The following KCNQ5 variants were observed in gnomAD, a reference collection of about 807,000 sequenced individuals.
KCNQ5 encodes the protein potassium voltage-gated channel subfamily KQT member 5.
Under a neutral mutation model 98.2 loss-of-function variants are expected in KCNQ5, and 30 were observed. That is an observed-to-expected ratio of 0.31 (90% CI 0.23 to 0.41). KCNQ5 has a LOEUF of 0.41. KCNQ5 is among the 10% of genes least tolerant of loss of function. The pLI is 1.00. For synonymous variants in KCNQ5, 458 were observed against 449.4 expected (o/e 1.02, Z -0.24); for missense variants, 835 against 1,182.5 (o/e 0.71, Z 4.31).
At chr6:72,633,249 A>G (rs901646460) in intron 1 of KCNQ5, among the ~76,000 whole-genome samples, 2 of 151,992 alleles carry the variant, frequency 1.3e-5, no homozygotes, top group African/African-American at 4.8e-5. Context: ...GTGTCTGTTC[A>G]TGTTCTTTGC....
chr6:72,825,663 G>A (rs778738421), intron 1 of KCNQ5, among the ~76,000 whole-genome samples: 36 of 152,154 alleles, frequency 2.4e-4, no homozygotes, highest in Non-Finnish European at 4.4e-4. Flanking sequence ...GGAGGGCCTT[G>A]GAGAAGCTGA....
intron 11 of KCNQ5, among the ~76,000 whole-genome samples, chr6:73,174,048 T>C (rs1370766102): frequency 6.6e-6 from 1 of 151,996 alleles, no homozygotes; most frequent in Non-Finnish European, 1.5e-5. Context: ...GGTATTGTTT[T>C]CAATGAATTA....
chr6:72,738,373 G>A (rs1770960124), intron 1 of KCNQ5, among the ~76,000 whole-genome samples: 1 of 151,760 alleles, frequency 6.6e-6, no homozygotes, highest in Non-Finnish European at 1.5e-5. Flanking sequence ...AGATATTCTG[G>A]TGTGTAAAAA....
intron 1 of KCNQ5, among the ~76,000 whole-genome samples, chr6:72,841,669 A>G (rs1457319979): frequency 6.6e-6 from 1 of 152,118 alleles, no homozygotes; most frequent in Middle Eastern, 3.2e-3. Flanking sequence ...ATACCGGATT[A>G]TTCCTTTATA....
At chr6:72,880,256 T>C (rs1262090878) in intron 1 of KCNQ5, among the ~76,000 whole-genome samples, 1 of 152,222 alleles carries the variant, frequency 6.6e-6, no homozygotes, top group Non-Finnish European at 1.5e-5. Context: ...AGTTTTAAAC[T>C]CTGGGAAGTT....
At chr6:72,766,982 A>C in intron 1 of KCNQ5, among the ~76,000 whole-genome samples, 1 of 152,022 alleles carries the variant, frequency 6.6e-6, no homozygotes, top group Non-Finnish European at 1.5e-5. Flanking sequence ...AGAGGAGATG[A>C]GGAGAATGAA....
chr6:72,680,567 C>G (rs1404311279), intron 1 of KCNQ5, among the ~76,000 whole-genome samples: 1 of 152,140 alleles, frequency 6.6e-6, no homozygotes, highest in East Asian at 1.9e-4. Flanking sequence ...AAAATCACAG[C>G]CAATGAAATG....
intron 10 of KCNQ5, among the ~76,000 whole-genome samples, chr6:73,141,012 G>A (rs1249652834): frequency 1.3e-5 from 2 of 152,122 alleles, no homozygotes; most frequent in Non-Finnish European, 2.9e-5. Context: ...AAGTGACTAC[G>A]TTATTTCTTG....
intron 1 of KCNQ5, among the ~76,000 whole-genome samples, chr6:72,672,294 C>T (rs112639741): frequency 4.6e-4 from 70 of 152,100 alleles, no homozygotes; most frequent in African/African-American, 1.6e-3. Context: ...GACGGAGTTT[C>T]GCCATGTTGG....
At chr6:73,100,675 GAA>G (rs113661896) in intron 5 of KCNQ5, among the ~76,000 whole-genome samples, 8 of 118,606 alleles carry the variant, frequency 6.7e-5, no homozygotes, top group East Asian at 4.8e-4. Context: ...TCTCAAAAAA[GAA>G]AAAAAAAAAA....
At chr6:73,148,894 T>A (rs1241656972) in intron 10 of KCNQ5, among the ~76,000 whole-genome samples, 1 of 152,144 alleles carries the variant, frequency 6.6e-6, no homozygotes. Flanking sequence ...GGTCACCTCC[T>A]AGGGAAGCAC....
chr6:72,942,639 T>A (rs998957401), intron 1 of KCNQ5, among the ~76,000 whole-genome samples: 7 of 152,344 alleles, frequency 4.6e-5, no homozygotes, highest in African/African-American at 1.7e-4. Flanking sequence ...TTCAAAAATA[T>A]CTGAGCCTTC....
intron 1 of KCNQ5, among the ~76,000 whole-genome samples, chr6:72,797,759 C>T (rs1774418529): frequency 1.3e-5 from 2 of 151,812 alleles, no homozygotes; most frequent in Admixed American, 1.3e-4. Flanking sequence ...GAATAAACAA[C>T]AAAATAAGAT....
At chr6:72,713,187 C>G (rs1244066428) in intron 1 of KCNQ5, among the ~76,000 whole-genome samples, 1 of 152,146 alleles carries the variant, frequency 6.6e-6, no homozygotes, top group Non-Finnish European at 1.5e-5. Flanking sequence ...GGCTTGCTAA[C>G]ATCTCTGGCT....
chr6:73,172,807 G>A (rs1045950229), intron 11 of KCNQ5, among the ~76,000 whole-genome samples: 1 of 152,094 alleles, frequency 6.6e-6, no homozygotes, highest in East Asian at 1.9e-4. Flanking sequence ...TATGCCTTTT[G>A]TATTTCAGTA....
intron 1 of KCNQ5, among the ~76,000 whole-genome samples, chr6:72,898,857 A>G (rs1002289967): frequency 1.3e-5 from 2 of 152,116 alleles, no homozygotes; most frequent in Non-Finnish European, 2.9e-5. Context: ...ATTTTTTTAA[A>G]TAATCACCAT....
chr6:73,103,485 T>G (rs1774876358), intron 5 of KCNQ5, among the ~76,000 whole-genome samples: 1 of 150,912 alleles, frequency 6.6e-6, no homozygotes, highest in African/African-American at 2.4e-5. Flanking sequence ...GGGCCTGTCA[T>G]GGGGGGGGGG....
chr6:73,170,420 CCACA>C (rs57867720), intron 11 of KCNQ5, among the ~76,000 whole-genome samples: 2,064 of 140,834 alleles, frequency 0.015, 48 homozygotes, highest in East Asian at 0.11. Flanking sequence ...ACCTTTCCCA[CCACA>C]CACACACACA....
At chr6:73,019,624 C>G (rs1770500502) in intron 2 of KCNQ5, among the ~76,000 whole-genome samples, 1 of 152,070 alleles carries the variant, frequency 6.6e-6, no homozygotes, top group African/African-American at 2.4e-5. Flanking sequence ...CTTTATCCAG[C>G]TATATTAAAG....
Sources: gnomAD v4.1 joint callset for allele counts (sites outside exome capture counted in the v4.1 genomes callset) on GRCh38, gnomAD v4.1.1 for gene constraint, MANE v1.5 for transcripts, NCBI Gene and HGNC (gene_info 2026-07-23, HGNC 2026-07-21) for gene names.